The following L1CAM variants were observed in gnomAD, a reference collection of about 807,000 sequenced individuals.
L1CAM encodes the protein neural cell adhesion molecule L1.
A neutral mutation model predicts 93.0 loss-of-function variants in L1CAM; 8 were observed. The ratio of observed to expected loss-of-function variants is 0.09; its 90% CI spans 0.05 to 0.16. The LOEUF (loss-of-function observed/expected upper bound fraction) is 0.16. L1CAM is among the 10% of genes least tolerant of loss of function. The probability of loss-of-function intolerance (pLI) is 1.00; values close to 1 mark genes in which losing one functional copy is unlikely to be tolerated. For synonymous variants in L1CAM, 453 were observed against 453.0 expected (o/e 1.00, Z 0.00); for missense variants, 777 against 1,073.4 (o/e 0.72, Z 3.86).
intron 10 of L1CAM, 57 bp downstream of exon 10, chrX:153,869,746 C>A: frequency 8.3e-7 from 1 of 1,204,406 alleles, no homozygotes; most frequent in Admixed American, 2.2e-5. Context: ...CTCTTCCTCT[C>A]CCCCACAGCC....
At chrX:153,868,150 T>C (rs1479748910) in intron 14 of L1CAM, 28 bp from the exon 15 acceptor site, 1 of 1,207,865 alleles carries the variant, frequency 8.3e-7, no homozygotes, top group African/African-American at 1.8e-5. Context: ...CTGTCTTTCC[T>C]GCCATCTGGG....
At chrX:153,868,976 G>A (rs781868997) in intron 11 of L1CAM, 24 bp from the exon 12 acceptor site, 2 of 1,132,906 alleles carry the variant, frequency 1.8e-6, no homozygotes, top group Non-Finnish European at 2.4e-6. Flanking sequence ...AGCCTCAGGA[G>A]ACAGGGCAGG....
At chrX:153,869,413 G>C in intron 11 of L1CAM, 107 bp downstream of exon 11, 2 of 944,206 alleles carry the variant, frequency 2.1e-6, no homozygotes, top group Non-Finnish European at 3.0e-6. Flanking sequence ...CGCCAGCCTG[G>C]TAGGCCGAGG....
In L1CAM at chrX:153,875,943, C is replaced by T; in HGVS notation, c.-107G>A. On this transcript the variant is annotated splice_region_variant and 5_prime_UTR_variant, in exon 2 of 29. Coordinates refer to ENST00000370060, the MANE Select transcript of L1CAM (RefSeq NM_001278116.2). ...TTGGGGCGGGAGTTGGGAGTGGGGG[C>T]ACTGGGAGAGGGGAGAAGGGAAGGG... 1 of 590,660 alleles carries T rather than the reference C, an allele frequency of 1.7e-6. No homozygotes were observed. The highest frequency in any genetic ancestry group is 2.7e-5 in the Admixed American group (1 of 37,724). 48.7% of individuals were successfully genotyped at this position (590,660 alleles called of 1,213,427 possible).
At chrX:153,871,578 C>A (rs990704990) in intron 5 of L1CAM, among the ~76,000 whole-genome samples, 2 of 109,241 alleles carry the variant, frequency 1.8e-5, no homozygotes, top group African/African-American at 6.7e-5. Flanking sequence ...GGCAACGGTT[C>A]CCAAGGTAAC....
chrX:153,867,204 G>T, intron 17 of L1CAM, 80 bp from the exon 18 acceptor site: 1 of 1,005,019 alleles, frequency 1.0e-6, no homozygotes, highest in Non-Finnish European at 1.4e-6. Context: ...GGAACAAATG[G>T]CTCATTCTGG....
At chrX:153,885,321 G>T (rs1190852814) in intron 1 of L1CAM, 1 of 906,658 alleles carries the variant, frequency 1.1e-6, no homozygotes, top group Non-Finnish European at 1.5e-6. Flanking sequence ...AGCAGTGGGT[G>T]CCCGAACCGA....
chrX:153,868,507 C>T, intron 13 of L1CAM, 49 bp from the exon 14 acceptor site: 2 of 1,211,423 alleles, frequency 1.7e-6, no homozygotes, highest in Non-Finnish European at 2.2e-6. Context: ...CCTCCAGAGG[C>T]CCAGACCCTC....
In L1CAM at chrX:153,873,148, G is replaced by A. The variant is rs782591737; in HGVS notation, c.91+80C>T. ...GCAGGGCCCCGGCACTCAGGAGGGC[G>A]GGGGTGCAGGCTCAGCTGAGGGCCT... On this transcript the variant is annotated intron_variant, in intron 3 of 28. Transcript: ENST00000370060. 58 of 976,165 alleles carry A rather than the reference G, an allele frequency of 5.9e-5. 1 individual carries two copies. Among genetic ancestry groups the A allele is most frequent in the East Asian group, 2.8e-4 (9 of 32,706 alleles). The allele number at this position is 976,165 out of a possible 1,213,427, so 80.4% of individuals were successfully genotyped here.
chrX:153,870,155 G>C lies in L1CAM; in HGVS notation c.892C>G (p.Gln298Glu), dbSNP rs202074293. The change falls in exon 9 of 29, where the codon CAG becomes GAG. Residue 298 changes from glutamine (Q) to glutamate (E), a missense_variant. This residue lies in a region of L1CAM where 574 missense variants were observed against 781.0 expected (regional missense o/e 0.73). Transcript: ENST00000370060. The stretch of plus-strand genomic sequence containing the variant: ...TCCTCCTCGCCCACTTTCAGCAGCT[G>C]CAGGGTCTTGTTGTGGTTCTGGTAG... ...VTYQNHNKTL[Q>E]LLKVGEEDDG... 16 of 1,210,670 alleles carry C rather than the reference G, an allele frequency of 1.3e-5. No homozygotes were observed. The highest frequency in any genetic ancestry group is 1.7e-5 in the Non-Finnish European group (15 of 895,166).
chrX:153,872,080 C>T (rs2064775579), intron 5 of L1CAM, 72 bp downstream of exon 5: 3 of 926,152 alleles, frequency 3.2e-6, no homozygotes, highest in Non-Finnish European at 4.6e-6. Context: ...AACTGGCTGA[C>T]AGCAGCTTCC....
At chrX:153,863,070 A>G (rs1557089438) in intron 28 of L1CAM, among the ~76,000 whole-genome samples, 176 bp from the exon 29 acceptor site, 2 of 111,985 alleles carry the variant, frequency 1.8e-5, no homozygotes, top group African/African-American at 6.5e-5. Flanking sequence ...CATTCCCCAG[A>G]TCCTGGGGAC....
rs181812579 is a variant in L1CAM at position 153,872,470 on chromosome X, C to T, written c.198-116G>A. On this transcript the variant is annotated intron_variant, in intron 4 of 28. Coordinates refer to ENST00000370060, the MANE Select transcript of L1CAM (RefSeq NM_001278116.2). Reference sequence around the variant, plus strand: ...CCCCAGGGGATGGACTGGGAGATGGCGAGGACTTGGGGTGATTAGCAAGGT... The same window carrying T: ...CCCCAGGGGATGGACTGGGAGATGGTGAGGACTTGGGGTGATTAGCAAGGT... 332 of 940,397 alleles carry T rather than the reference C, an allele frequency of 3.5e-4. No homozygotes were observed. In the African/African-American group the frequency reaches 5.7e-3, roughly 16 times the overall value. The allele number at this position is 940,397 out of a possible 1,213,427, so 77.5% of individuals were successfully genotyped here.
intron 1 of L1CAM, chrX:153,885,695 C>T: frequency 2.8e-6 from 1 of 352,459 alleles, no homozygotes; most frequent in Non-Finnish European, 4.3e-6. Context: ...GCGCTCGACC[C>T]GATCTGGCTT....
chrX:153,869,051 GCCCTGCAAATCTTGCTT>G (rs1451633600), intron 11 of L1CAM, 99 bp from the exon 12 acceptor site: 4 of 685,709 alleles, frequency 5.8e-6, no homozygotes, highest in African/African-American at 4.3e-5. Context: ...GCCCCCAAGA[GCCCTGCAAATCTTGCTT>G]CCCTGCTCCC....
Position 153,870,146 on chromosome X carries a change from T to C in L1CAM, c.901A>G (p.Lys301Glu). 1 of 1,211,969 alleles carries C rather than the reference T, an allele frequency of 8.3e-7. No homozygotes were observed. The highest frequency in any genetic ancestry group is 1.8e-5 in the South Asian group (1 of 57,019). The stretch of plus-strand genomic sequence containing the variant: ...TCGCCATCATCCTCCTCGCCCACTT[T>C]CAGCAGCTGCAGGGTCTTGTTGTGG... ...QNHNKTLQLLKVGEEDDGEYR... is the reference protein window; with the variant it reads ...QNHNKTLQLLEVGEEDDGEYR... Residue 301 changes from lysine to glutamate, a missense_variant, in exon 9 of 29, where the codon AAA becomes GAA. Physicochemically the swap from Lys to Glu is moderately conservative, Grantham distance 56. This residue lies in a region of L1CAM where 574 missense variants were observed against 781.0 expected (regional missense o/e 0.73). Coordinates refer to ENST00000370060, the MANE Select transcript of L1CAM (RefSeq NM_001278116.2).
At position 153,867,046 on chromosome X, in the gene L1CAM, ACT is replaced by A. The variant is rs782346649; in HGVS notation, c.2208+6_2208+7del. The A allele has an allele frequency of 8.3e-7, 1 of 1,204,096 alleles. No homozygotes were observed. Among genetic ancestry groups the A allele is most frequent in the South Asian group, 1.8e-5 (1 of 56,777 alleles). ...GTCCCCCAGGCAGCTCAGCCCAGGG[ACT>A]CTCACCTTCCACGTGATGACCATAT... On this transcript the variant is annotated splice_donor_region_variant and intron_variant, in intron 18 of 28. Coordinates refer to ENST00000370060, the MANE Select transcript of L1CAM (RefSeq NM_001278116.2).
intron 11 of L1CAM, 139 bp downstream of exon 11, chrX:153,869,381 T>C: frequency 1.5e-6 from 1 of 658,802 alleles, no homozygotes; most frequent in Non-Finnish European, 2.4e-6. Flanking sequence ...GGGCGAAGGG[T>C]GTCAGCAAGG....
chrX:153,885,262 C>A, intron 1 of L1CAM: 1 of 480,990 alleles, frequency 2.1e-6, no homozygotes, highest in Non-Finnish European at 3.3e-6. Context: ...CCTTCCCTCA[C>A]CCCTACCTGA....
Sources: allele counts gnomAD v4.1 joint callset (sites outside exome capture counted in the v4.1 genomes callset), GRCh38; gene constraint gnomAD v4.1.1; regional missense constraint gnomAD v4.1.1; transcripts MANE v1.5; gene names NCBI Gene and HGNC (gene_info 2026-07-23, HGNC 2026-07-21).